Variants in CCND3 observed in about 807,000 individuals in gnomAD.
CCND3 encodes cyclin D3.
In CCND3, 9 loss-of-function variants were observed where a neutral mutation model predicts 28.7. That is an observed-to-expected ratio of 0.31 (90% CI 0.19 to 0.55). CCND3 has a LOEUF of 0.55. Ranked by LOEUF, CCND3 falls within the 20% of genes least tolerant of loss-of-function variation. The pLI, the probability that CCND3 is intolerant of heterozygous loss-of-function variation, is 0.93. For missense variants in CCND3, 315 were observed against 385.8 expected (o/e 0.82, Z 1.54); for synonymous variants, 164 against 163.9 (o/e 1.00, Z 0.00).
chr6:41,935,399 GC>G lies in CCND3; in HGVS notation c.*540del. 4.1e-6 allele frequency: 1 copy of G among 243,312 alleles called. No homozygotes were observed. The highest frequency in any genetic ancestry group is 6.0e-5 in the East Asian group (1 of 16,782). The allele number at this position is 243,312 out of a possible 1,614,324, so 15.1% of individuals were successfully genotyped here. A position where few individuals can be genotyped will look rare whatever the true frequency, so the allele number is the denominator to read the frequency against. On this transcript the variant is annotated 3_prime_UTR_variant, in exon 5 of 5. Transcript: ENST00000372991. ...GGAATTTATAGCTTCTCTGGCTGAGGCCTAGGCCCCTCCCTCTAGGAGCAGC... is the reference window on the plus strand; with the variant it reads ...GGAATTTATAGCTTCTCTGGCTGAGGCTAGGCCCCTCCCTCTAGGAGCAGC...
chr6:41,952,985 C>A (rs919791432), intron 1 of CCND3, among the ~76,000 whole-genome samples: 6 of 152,104 alleles, frequency 3.9e-5, no homozygotes, highest in Non-Finnish European at 7.4e-5. Flanking sequence ...AATAAAACTG[C>A]AAAACAGGGG....
Position 41,941,499 on chromosome 6 carries a change from C to T in CCND3, c.151G>A (p.Glu51Lys), listed in dbSNP as rs376321266. The T allele has an allele frequency of 4.4e-6, 7 of 1,608,600 alleles. No homozygotes were observed. Among genetic ancestry groups the T allele is most frequent in the East Asian group, 2.2e-5 (1 of 44,564 alleles). Residue 51 changes from glutamate (E) to lysine (K), a missense_variant, in exon 1 of 5, where the codon GAG (glutamate) becomes AAG (lysine). Coordinates refer to ENST00000372991, the MANE Select transcript of CCND3 (RefSeq NM_001760.5). The surrounding 1 kb of genome is among the most constrained non-coding windows in gnomAD (Gnocchi z 6.1). ...RASYFQCVQR[E>K]IKPHMRKMLA... is the part of the protein sequence containing the mutation. Reference sequence around the variant, plus strand: ...ATCTTCCGCATGTGCGGCTTGATCTCCCGCTGCACGCACTGGAAGTAGGAG... The same window carrying T: ...ATCTTCCGCATGTGCGGCTTGATCTTCCGCTGCACGCACTGGAAGTAGGAG...
intron 2 of CCND3, 68 bp downstream of exon 2, chr6:41,940,302 C>A: frequency 7.1e-7 from 1 of 1,414,612 alleles, no homozygotes; most frequent in South Asian, 1.1e-5. Flanking sequence ...TCTGATATCT[C>A]AAGCTTTCCT....
At chr6:41,991,098 G>A (rs1762633867) in intron 1 of CCND3, among the ~76,000 whole-genome samples, 1 of 150,512 alleles carries the variant, frequency 6.6e-6, no homozygotes, top group South Asian at 2.1e-4. Context: ...CCCTCTTGTT[G>A]CCCAGACTGG....
intron 1 of CCND3, among the ~76,000 whole-genome samples, chr6:41,992,589 C>G (rs1398131330): frequency 6.6e-6 from 1 of 151,162 alleles, no homozygotes; most frequent in African/African-American, 2.4e-5. Context: ...GCTGGGATAA[C>G]AGGCATGCGC....
chr6:41,987,419 A>G (rs1399175219), intron 1 of CCND3, among the ~76,000 whole-genome samples: 2 of 151,484 alleles, frequency 1.3e-5, no homozygotes, highest in Non-Finnish European at 2.9e-5. Flanking sequence ...TTAACTTTAG[A>G]TCTTTGGTAT....
At chr6:42,034,008 G>C (rs1764121413) in intron 1 of CCND3, among the ~76,000 whole-genome samples, 1 of 152,142 alleles carries the variant, frequency 6.6e-6, no homozygotes, top group African/African-American at 2.4e-5. Context: ...GAATTTTTAA[G>C]TTATCCAAGT....
chr6:42,002,820 C>G lies in CCND3; in HGVS notation c.-46+45681G>C, dbSNP rs138955883. Among the ~76,000 whole-genome samples, 566 of 152,032 alleles carry G rather than the reference C, an allele frequency of 3.7e-3. 2 individuals carry two copies. Among genetic ancestry groups the G allele is most frequent in the African/African-American group, 0.013 (523 of 41,468 alleles). On this transcript the variant is annotated intron_variant, in intron 1 of 4. Coordinates refer to the CCND3 transcript ENST00000372988. ...AGTGAGCCAAGGTCACGATACTGCA[C>G]TCCAGCCTGGGCAACAGAGCTAGAC...
upstream of CCND3, chr6:42,049,519 C>T (rs1764666162): frequency 6.6e-6 from 1 of 152,260 alleles, no homozygotes; most frequent in Admixed American, 6.5e-5. Flanking sequence ...CTGCCAGGCA[C>T]CTGCAAATGG....
At chr6:41,958,160 C>G (rs921237203) in intron 1 of CCND3, among the ~76,000 whole-genome samples, 2 of 151,906 alleles carry the variant, frequency 1.3e-5, no homozygotes, top group African/African-American at 4.8e-5. Flanking sequence ...CCATGCCCAG[C>G]TAATTTCTGT....
At chr6:41,951,427 G>A (rs966075954) in intron 1 of CCND3, among the ~76,000 whole-genome samples, 1 of 100,474 alleles carries the variant, frequency 1.0e-5, no homozygotes, top group Non-Finnish European at 2.0e-5. Context: ...GGTAGCAGGC[G>A]CCTGTAGTCC....
chr6:41,987,507 C>G (rs1032572372), intron 1 of CCND3, among the ~76,000 whole-genome samples: 4,978 of 62,146 alleles, frequency 0.08, 122 homozygotes, highest in Non-Finnish European at 0.11. Context: ...CTCTCTCTCT[C>G]TCTCTCTCTC....
At chr6:41,940,339 G>C (rs753742226) in intron 2 of CCND3, 31 bp downstream of exon 2, 4 of 1,549,242 alleles carry the variant, frequency 2.6e-6, no homozygotes, top group Non-Finnish European at 3.6e-6. Flanking sequence ...GAGACAATAC[G>C]TGTCGGGGGT....
chr6:42,045,698 C>A (rs1285339407), intron 1 of CCND3, among the ~76,000 whole-genome samples: 3 of 152,244 alleles, frequency 2.0e-5, no homozygotes, highest in African/African-American at 7.2e-5. Flanking sequence ...AAGGGGCAGG[C>A]CTTGACAGCT....
rs148047276 is a variant in CCND3 at position 41,948,781 on chromosome 6, G to A, written c.-45-8196C>T. On this transcript the variant is annotated intron_variant, in intron 1 of 4. Transcript: ENST00000372988. ...CTTGAACCGGGACCCGGGAAGCGGAGGTTGCAGTGAGCTGAGATCGTGCCA... is the reference window on the plus strand; with the variant it reads ...CTTGAACCGGGACCCGGGAAGCGGAAGTTGCAGTGAGCTGAGATCGTGCCA... Among the ~76,000 whole-genome samples the A allele has an allele frequency of 7.8e-3, 1,183 of 151,758 alleles. 24 individuals carry two copies. The highest frequency in any genetic ancestry group is 0.028 in the African/African-American group (1,142 of 41,346).
At chr6:41,959,741 A>AAG (rs1761658120) in intron 1 of CCND3, among the ~76,000 whole-genome samples, 1 of 151,752 alleles carries the variant, frequency 6.6e-6, no homozygotes, top group Non-Finnish European at 1.5e-5. Context: ...CCTGACCACG[A>AAG]GGTCAGGAGC....
upstream of CCND3, among the ~76,000 whole-genome samples, chr6:41,944,383 A>AT (rs201736804): frequency 0.031 from 4,461 of 142,914 alleles, 106 homozygotes; most frequent in East Asian, 0.084. Context: ...TTCACGGTGG[A>AT]TTTTTTTTTT....
intron 1 of CCND3, among the ~76,000 whole-genome samples, chr6:41,983,250 C>T (rs966072060): frequency 2.6e-5 from 4 of 151,458 alleles, no homozygotes; most frequent in African/African-American, 7.3e-5. Flanking sequence ...TGGTGGCGGG[C>T]GCCTGTAATC....
At chr6:41,977,800 T>C (rs1006025339) in intron 1 of CCND3, among the ~76,000 whole-genome samples, 1 of 152,186 alleles carries the variant, frequency 6.6e-6, no homozygotes, top group Non-Finnish European at 1.5e-5. Context: ...ACTTCTTCAA[T>C]GATGGAGAGC....
Sources: allele counts gnomAD v4.1 joint callset (sites outside exome capture counted in the v4.1 genomes callset), GRCh38; gene constraint gnomAD v4.1.1; non-coding constraint Gnocchi (gnomAD v3.1); transcripts MANE v1.5; gene names NCBI Gene and HGNC (gene_info 2026-07-23, HGNC 2026-07-21).